The following PLIN3 variants were observed in gnomAD, a reference collection of about 807,000 sequenced individuals.
PLIN3 encodes the protein perilipin-3.
In PLIN3, 30 loss-of-function variants were observed where a neutral mutation model predicts 35.9. The observed-to-expected ratio is 0.84, with a 90% CI of 0.62 to 1.13. The LOEUF is 1.13. PLIN3 is among the 50% of genes most tolerant of loss of function. PLIN3 has a pLI of 0.00. For missense variants in PLIN3, 603 were observed against 596.9 expected, an observed-to-expected ratio of 1.01 and a Z score of -0.11; for synonymous variants, 261 against 262.5, an observed-to-expected ratio of 0.99 and a Z score of 0.06.
Position 4,846,138 on chromosome 19 carries a change from A to C in PLIN3, c.835-1345T>G, listed in dbSNP as rs140280919. On this transcript the variant is annotated intron_variant, in intron 6 of 7. Transcript: ENST00000221957. Reference sequence around the variant, plus strand: ...GCTACCAGAAGGCTGAGGCAGGAGAATGGCATGAACCCAGGAGGCGGAGCT... The same window carrying C: ...GCTACCAGAAGGCTGAGGCAGGAGACTGGCATGAACCCAGGAGGCGGAGCT... Among the ~76,000 whole-genome samples, 509 of 152,006 alleles carry C rather than the reference A, an allele frequency of 3.3e-3. 6 individuals are homozygous for C. Among genetic ancestry groups the C allele is most frequent in the African/African-American group, 0.012 (486 of 41,502 alleles).
chr19:4,843,042 G>A lies in PLIN3; in HGVS notation c.960+1626C>T, dbSNP rs376981408. Among the ~76,000 whole-genome samples the A allele has an allele frequency of 1.2e-3, 185 of 150,546 alleles. 1 individual carries two copies. The highest frequency in any genetic ancestry group is 4.3e-3 in the African/African-American group (177 of 40,894). On this transcript the variant is annotated intron_variant, in intron 7 of 7. Coordinates refer to ENST00000221957, the MANE Select transcript of PLIN3 (RefSeq NM_005817.5). ...TTGAGACCAGCCTGGCCAACATGGC[G>A]AAACCCCGTGTCTACTAAAAAGTAC...
intron 3 of PLIN3, 21 bp from the exon 4 acceptor site, chr19:4,859,693 G>T (rs763931008): frequency 2.5e-6 from 4 of 1,612,354 alleles, no homozygotes; most frequent in Admixed American, 1.7e-5. Context: ...CAATTAAGAC[G>T]CAAATGTGAC....
At chr19:4,845,523 G>A (rs1021407155) in intron 6 of PLIN3, among the ~76,000 whole-genome samples, 1 of 152,086 alleles carries the variant, frequency 6.6e-6, no homozygotes, top group African/African-American at 2.4e-5. Flanking sequence ...CAATCCCAGC[G>A]CTTTGGGAGG....
intron 4 of PLIN3, among the ~76,000 whole-genome samples, chr19:4,859,026 G>C (rs945970477): frequency 1.3e-5 from 2 of 151,914 alleles, no homozygotes; most frequent in African/African-American, 4.8e-5. Context: ...TTGATGTTTT[G>C]ACTTTCCTGC....
intron 4 of PLIN3, among the ~76,000 whole-genome samples, chr19:4,859,319 C>T (rs191094973): frequency 9.7e-4 from 148 of 152,180 alleles, no homozygotes; most frequent in African/African-American, 2.1e-3. Flanking sequence ...GTCAGGAGTT[C>T]GAGACCAGCC....
intron 4 of PLIN3, among the ~76,000 whole-genome samples, chr19:4,855,688 G>A (rs945947543): frequency 3.9e-5 from 6 of 152,012 alleles, no homozygotes; most frequent in African/African-American, 1.2e-4. Context: ...GATTACAGGC[G>A]TGAGCCACCG....
chr19:4,860,069 G>T, intron 2 of PLIN3, 45 bp from the exon 3 acceptor site: 1 of 1,579,972 alleles, frequency 6.3e-7, no homozygotes, highest in South Asian at 1.1e-5. Context: ...GGGGAAGATG[G>T]GGAGCTCAGC....
At chr19:4,844,878 C>G in intron 6 of PLIN3, 85 bp from the exon 7 acceptor site, 1 of 1,417,284 alleles carries the variant, frequency 7.1e-7, no homozygotes, top group Non-Finnish European at 9.4e-7. Context: ...ATCCTTCCAG[C>G]ATCTGACTTA....
chr19:4,840,656 C>CA (rs1568371595), intron 7 of PLIN3, among the ~76,000 whole-genome samples: 1 of 152,176 alleles, frequency 6.6e-6, no homozygotes, highest in Non-Finnish European at 1.5e-5. Flanking sequence ...AAATGCAAAT[C>CA]AAAACCATAA....
intron 4 of PLIN3, among the ~76,000 whole-genome samples, chr19:4,857,238 G>C (rs187259631): frequency 2.6e-5 from 4 of 152,180 alleles, no homozygotes; most frequent in Admixed American, 2.6e-4. Context: ...AAGAGTTGGA[G>C]ACCGGCCTGG....
chr19:4,863,827 C>CAA (rs766592535), intron 1 of PLIN3, among the ~76,000 whole-genome samples: 37 of 116,840 alleles, frequency 3.2e-4, no homozygotes, highest in Admixed American at 1.0e-3. Flanking sequence ...GACTCCATCT[C>CAA]AAAAAAAAAA....
intron 3 of PLIN3, 21 bp downstream of exon 3, chr19:4,859,805 G>T (rs1417503032): frequency 1.9e-6 from 3 of 1,611,488 alleles, no homozygotes; most frequent in Non-Finnish European, 2.5e-6. Context: ...GGAATTCAGT[G>T]CCCCCTGGGA....
intron 1 of PLIN3, among the ~76,000 whole-genome samples, chr19:4,866,219 T>C (rs1213627456): frequency 6.6e-6 from 1 of 151,928 alleles, no homozygotes; most frequent in African/African-American, 2.4e-5. Flanking sequence ...GGTTTCACCA[T>C]GTTGGCCAGG....
chr19:4,864,789 A>G (rs75498306), intron 1 of PLIN3, among the ~76,000 whole-genome samples: 16,187 of 152,154 alleles, frequency 0.11, 1,094 homozygotes, highest in East Asian at 0.3. Flanking sequence ...GGACACCATC[A>G]TCAGAAGAGA....
chr19:4,852,614 C>G (rs1332180143), intron 4 of PLIN3, among the ~76,000 whole-genome samples: 1 of 152,098 alleles, frequency 6.6e-6, no homozygotes, highest in Non-Finnish European at 1.5e-5. Flanking sequence ...AGGAAAGTCA[C>G]TCTACCTCCC....
intron 4 of PLIN3, among the ~76,000 whole-genome samples, chr19:4,858,783 C>T (rs1323486990): frequency 6.9e-5 from 10 of 143,898 alleles, no homozygotes; most frequent in Non-Finnish European, 1.3e-4. Flanking sequence ...ATCACTGCAA[C>T]CTCCGCCTCC....
intron 6 of PLIN3, among the ~76,000 whole-genome samples, chr19:4,846,424 C>T (rs539198206): frequency 1.7e-4 from 26 of 151,596 alleles, no homozygotes; most frequent in Non-Finnish European, 2.6e-4. Flanking sequence ...TAGAGCTGTG[C>T]GTGGTGGCTC....
intron 3 of PLIN3, 21 bp downstream of exon 3, chr19:4,859,805 G>GC: frequency 1.2e-6 from 2 of 1,611,488 alleles, no homozygotes; most frequent in Non-Finnish European, 1.7e-6. Flanking sequence ...GGAATTCAGT[G>GC]CCCCCTGGGA....
In PLIN3 at chr19:4,859,911, GCAGA is replaced by G. The variant is rs767335755; in HGVS notation, c.176_179del (p.Val59AlafsTer8). On this transcript the variant is annotated frameshift_variant, in exon 3 of 8. Transcript: ENST00000221957. LOFTEE classifies it high-confidence loss of function. Reference sequence around the variant, plus strand: ...TCCTCACTCCCTTCTCTGCTGCGTCGCAGACAGTCTTGATGTGCGGGTAGCTCTC... The same window carrying G: ...TCCTCACTCCCTTCTCTGCTGCGTCGCAGTCTTGATGTGCGGGTAGCTCTC... The G allele has an allele frequency of 1.7e-5, 28 of 1,613,980 alleles. No homozygotes were observed. The highest frequency in any genetic ancestry group is 2.2e-5 in the Non-Finnish European group (26 of 1,180,008).
Sources: allele counts gnomAD v4.1 joint callset (sites outside exome capture counted in the v4.1 genomes callset), GRCh38; gene constraint gnomAD v4.1.1; transcripts MANE v1.5; gene names NCBI Gene and HGNC (gene_info 2026-07-23, HGNC 2026-07-21).